RAB27A: variants seen among roughly 807,000 people sequenced by gnomAD.
RAB27A encodes the protein RAB27A, member RAS oncogene family, also known as ras-related protein Rab-27A.
RAB27A carries 17 observed loss-of-function variants against 20.8 expected under a neutral mutation model. That is an observed-to-expected ratio of 0.82 (90% CI 0.56 to 1.23). The LOEUF is 1.23. RAB27A is among the 50% of genes most tolerant of loss of function. The probability of loss-of-function intolerance (pLI) is 0.00; values close to 1 mark genes in which losing one functional copy is unlikely to be tolerated. For synonymous variants in RAB27A, 85 were observed against 92.8 expected, an observed-to-expected ratio of 0.92 and a Z score of 0.48; for missense variants, 277 against 266.7, an observed-to-expected ratio of 1.04 and a Z score of -0.27.
At position 55,219,309 on chromosome 15, in the gene RAB27A, C is replaced by T. The variant is rs1895456867; in HGVS notation, c.467+4580G>A. 2.0e-5 allele frequency among the ~76,000 whole-genome samples: 3 copies of T among 152,118 alleles called. No individual in the cohort carries two copies. In the South Asian group the frequency reaches 6.2e-4, roughly 32 times the overall value. On this transcript the variant is annotated intron_variant, in intron 6 of 6. Coordinates refer to ENST00000336787, the MANE Select transcript of RAB27A (RefSeq NM_183235.3). ...CTTCCTCTCTTTAGCATGGATTTTCCAATGAGAAGTCATTGAGCATATTTC... is the reference window on the plus strand; with the variant it reads ...CTTCCTCTCTTTAGCATGGATTTTCTAATGAGAAGTCATTGAGCATATTTC...
At chr15:55,256,273 G>T (rs1261823905) in intron 2 of RAB27A, among the ~76,000 whole-genome samples, 1 of 152,114 alleles carries the variant, frequency 6.6e-6, no homozygotes, top group Admixed American at 6.5e-5. Context: ...AATTAGCAAG[G>T]TGAGGTGGCC....
At chr15:55,206,109 G>T (rs1231798517) in intron 6 of RAB27A, among the ~76,000 whole-genome samples, 1 of 152,006 alleles carries the variant, frequency 6.6e-6, no homozygotes, top group Non-Finnish European at 1.5e-5. Flanking sequence ...TACTGGGGAG[G>T]CTGAGGCTCA....
intron 2 of RAB27A, among the ~76,000 whole-genome samples, chr15:55,244,074 A>T (rs525152): frequency 6.6e-6 from 1 of 151,930 alleles, no homozygotes; most frequent in African/African-American, 2.4e-5. Flanking sequence ...GCTGAGGCAG[A>T]TGGATCACTT....
intron 2 of RAB27A, among the ~76,000 whole-genome samples, chr15:55,268,887 C>G (rs1401125646): frequency 2.6e-5 from 4 of 152,108 alleles, no homozygotes; most frequent in African/African-American, 7.2e-5. Flanking sequence ...GAGCTAGGAC[C>G]TTTATAGAGG....
intron 1 of RAB27A, among the ~76,000 whole-genome samples, chr15:55,282,291 G>A (rs1898037045): frequency 6.6e-6 from 1 of 152,174 alleles, no homozygotes; most frequent in Non-Finnish European, 1.5e-5. Context: ...ATCAGACCAG[G>A]CTTCTGGAAC....
intron 2 of RAB27A, chr15:55,238,138 C>G (rs1159575838): frequency 6.6e-6 from 1 of 152,124 alleles, no homozygotes; most frequent in Admixed American, 6.6e-5. Flanking sequence ...CAGATTGTAT[C>G]TTTAAGACAA....
intron 1 of RAB27A, among the ~76,000 whole-genome samples, chr15:55,316,593 A>T (rs965640658): frequency 2.1e-4 from 32 of 152,086 alleles, no homozygotes; most frequent in Admixed American, 2.1e-3. Flanking sequence ...CTTAAAAAAA[A>T]AAAGGAGAAA....
intron 2 of RAB27A, among the ~76,000 whole-genome samples, chr15:55,302,163 G>A (rs1477834783): frequency 5.0e-5 from 7 of 139,394 alleles, no homozygotes; most frequent in Non-Finnish European, 1.1e-4. Flanking sequence ...GGTGACAGAG[G>A]GAGACTCTGT....
chr15:55,224,320 A>T (rs1225973944), intron 5 of RAB27A, among the ~76,000 whole-genome samples: 1 of 152,122 alleles, frequency 6.6e-6, no homozygotes, highest in African/African-American at 2.4e-5. Flanking sequence ...CATACAAAAC[A>T]CCTTTCTTTT....
chr15:55,242,155 T>A (rs942701971), intron 2 of RAB27A, among the ~76,000 whole-genome samples: 5 of 152,102 alleles, frequency 3.3e-5, no homozygotes, highest in East Asian at 1.9e-4. Context: ...GAAAGCCAAA[T>A]TTTCCCTCTA....
At chr15:55,262,512 A>C (rs1406948234) in intron 2 of RAB27A, among the ~76,000 whole-genome samples, 1 of 149,068 alleles carries the variant, frequency 6.7e-6, no homozygotes, top group Non-Finnish European at 1.5e-5. Flanking sequence ...ACTGCACTCC[A>C]GCCTGGGCAA....
intron 2 of RAB27A, among the ~76,000 whole-genome samples, chr15:55,295,250 G>A (rs79197599): frequency 0.051 from 7,717 of 152,202 alleles, 271 homozygotes; most frequent in East Asian, 0.15. Context: ...GCAAGGACAT[G>A]GAGAAACTGG....
chr15:55,228,153 A>C (rs770095512), intron 5 of RAB27A, among the ~76,000 whole-genome samples: 1 of 152,222 alleles, frequency 6.6e-6, no homozygotes, highest in Non-Finnish European at 1.5e-5. Context: ...CTAAGCACAG[A>C]AAAGACATGA....
chr15:55,236,525 A>G (rs1180403787), intron 2 of RAB27A, among the ~76,000 whole-genome samples: 2 of 152,160 alleles, frequency 1.3e-5, no homozygotes, highest in Admixed American at 6.5e-5. Flanking sequence ...AGTACCGACT[A>G]AAACAAAAGT....
intron 3 of RAB27A, among the ~76,000 whole-genome samples, chr15:55,231,500 G>C (rs1896029593): frequency 6.6e-6 from 1 of 152,118 alleles, no homozygotes; most frequent in African/African-American, 2.4e-5. Context: ...ACATTCCAAG[G>C]AGCATTTATT....
chr15:55,231,952 T>C (rs977674527), intron 3 of RAB27A, among the ~76,000 whole-genome samples: 6 of 152,174 alleles, frequency 3.9e-5, no homozygotes, highest in African/African-American at 1.4e-4. Context: ...ATGAGATTTC[T>C]ATAATGCTCC....
intron 2 of RAB27A, among the ~76,000 whole-genome samples, chr15:55,252,747 G>C (rs1184986188): frequency 1.3e-5 from 2 of 152,142 alleles, no homozygotes; most frequent in African/African-American, 4.8e-5. Flanking sequence ...CATAGTAGTT[G>C]TTGCTTTATC....
At chr15:55,210,635 G>A (rs1894980616) in intron 6 of RAB27A, among the ~76,000 whole-genome samples, 1 of 151,606 alleles carries the variant, frequency 6.6e-6, no homozygotes. Context: ...TTGCTATTGA[G>A]TTATTTGAGC....
chr15:55,270,520 C>A (rs1199003700), intron 1 of RAB27A: 5 of 152,118 alleles, frequency 3.3e-5, no homozygotes, highest in African/African-American at 1.2e-4. Flanking sequence ...ACTCAGAGGG[C>A]GGCTTTATTA....
Sources: gnomAD v4.1 joint callset for allele counts (sites outside exome capture counted in the v4.1 genomes callset) on GRCh38, gnomAD v4.1.1 for gene constraint, MANE v1.5 for transcripts, NCBI Gene and HGNC (gene_info 2026-07-23, HGNC 2026-07-21) for gene names.